BICD1: variants seen among roughly 807,000 people sequenced by gnomAD.
The protein encoded by BICD1 is protein bicaudal D homolog 1.
In BICD1, 35 loss-of-function variants were observed where a neutral mutation model predicts 92.5. The observed-to-expected ratio is 0.38, with a 90% CI of 0.29 to 0.50. BICD1 has a LOEUF of 0.50. Ranked by LOEUF, BICD1 falls within the 20% of genes least tolerant of loss-of-function variation. The pLI is 0.93. For missense variants in BICD1, 950 were observed against 1,189.8 expected (o/e 0.80, Z 2.97); for synonymous variants, 429 against 465.1 (o/e 0.92, Z 1.00).
intron 1 of BICD1, among the ~76,000 whole-genome samples, chr12:32,118,059 A>G (rs1040241742): frequency 1.9e-5 from 1 of 53,270 alleles, no homozygotes; most frequent in African/African-American, 6.0e-5. Flanking sequence ...CGCTTAGTCC[A>G]ATATTTTATT....
chr12:32,261,883 C>T (rs1039922678), intron 2 of BICD1, among the ~76,000 whole-genome samples: 4 of 152,148 alleles, frequency 2.6e-5, no homozygotes, highest in Non-Finnish European at 5.9e-5. Flanking sequence ...AAGGAAATGG[C>T]GAATGCCTTG....
In BICD1 at chr12:32,179,145, C is replaced by T. The variant is rs773173391; in HGVS notation, c.214-37102C>T. 3.6e-4 allele frequency among the ~76,000 whole-genome samples: 55 copies of T among 151,914 alleles called. 2 individuals carry two copies. The highest frequency in any genetic ancestry group is 6.5e-4 in the Non-Finnish European group (44 of 67,920). The stretch of plus-strand genomic sequence containing the variant: ...TGTAAATCAATGTGTAAGAAGATAT[C>T]GTTTAAGAGGGGTTATGGCACATGG... On this transcript the variant is annotated intron_variant, in intron 1 of 9. Coordinates refer to ENST00000652176, the MANE Select transcript of BICD1 (RefSeq NM_001714.4).
At chr12:32,160,069 A>G (rs993716330) in intron 1 of BICD1, among the ~76,000 whole-genome samples, 5 of 118,296 alleles carry the variant, frequency 4.2e-5, no homozygotes, top group Non-Finnish European at 1.0e-4. Flanking sequence ...GTGCCCTTAG[A>G]TGACGCATAT....
intron 1 of BICD1, among the ~76,000 whole-genome samples, chr12:32,154,878 G>A (rs923989628): frequency 1.1e-4 from 17 of 152,090 alleles, no homozygotes; most frequent in African/African-American, 3.6e-4. Flanking sequence ...ATGGGTTGTC[G>A]ATAAACCTCC....
intron 9 of BICD1, among the ~76,000 whole-genome samples, chr12:32,370,802 C>G (rs1939710030): frequency 6.6e-6 from 1 of 152,170 alleles, no homozygotes; most frequent in South Asian, 2.1e-4. Flanking sequence ...AGTATCTTAC[C>G]ATTCCTCAAG....
At chr12:32,353,803 T>A (rs1260590445) in intron 8 of BICD1, 1 of 152,196 alleles carries the variant, frequency 6.6e-6, no homozygotes, top group Non-Finnish European at 1.5e-5. Flanking sequence ...GTTATTGACT[T>A]TGCTTAACAA....
rs549104509 is a variant in BICD1 at position 32,253,108 on chromosome 12, C to T, written c.426+36649C>T. Among the ~76,000 whole-genome samples the T allele has an allele frequency of 5.9e-5, 9 of 152,208 alleles. No individual in the cohort carries two copies. In the South Asian group the frequency reaches 1.9e-3, roughly 32 times the overall value. ...ATGTTGCCCAGGCTGGTCTTGAACT[C>T]CTGGGCTCAAGCAGTCGGCCCGCCT... is the stretch of plus-strand genomic sequence containing the variant. On this transcript the variant is annotated intron_variant, in intron 2 of 9. Transcript: ENST00000652176.
chr12:32,113,670 A>G (rs1474459135), intron 1 of BICD1, among the ~76,000 whole-genome samples: 1 of 149,262 alleles, frequency 6.7e-6, no homozygotes, highest in Non-Finnish European at 1.5e-5. Flanking sequence ...CAGCCTCCCA[A>G]GTAACTGGGA....
intron 2 of BICD1, among the ~76,000 whole-genome samples, chr12:32,250,304 G>A (rs1326543191): frequency 6.6e-6 from 1 of 152,196 alleles, no homozygotes; most frequent in Non-Finnish European, 1.5e-5. Context: ...AAATGGAGAT[G>A]ACGATAATAC....
At chr12:32,192,020 G>T (rs1344709494) in intron 1 of BICD1, among the ~76,000 whole-genome samples, 2 of 152,174 alleles carry the variant, frequency 1.3e-5, no homozygotes, top group African/African-American at 2.4e-5. Context: ...AAATGATTAA[G>T]CTTAGTGAAG....
At chr12:32,273,433 C>T (rs972660625) in intron 2 of BICD1, among the ~76,000 whole-genome samples, 4 of 152,132 alleles carry the variant, frequency 2.6e-5, no homozygotes, top group African/African-American at 7.2e-5. Flanking sequence ...CTGCAAGCAG[C>T]GCCTTTCCTC....
intron 4 of BICD1, among the ~76,000 whole-genome samples, chr12:32,315,783 C>T (rs1948482401): frequency 6.6e-6 from 1 of 152,022 alleles, no homozygotes; most frequent in Non-Finnish European, 1.5e-5. Context: ...TTCTGTTTTT[C>T]ATTTTCAGTA....
chr12:32,114,958 AT>A (rs1941835980), intron 1 of BICD1, among the ~76,000 whole-genome samples: 2 of 152,096 alleles, frequency 1.3e-5, no homozygotes, highest in African/African-American at 4.8e-5. Context: ...TATCAATCTT[AT>A]TTAATCTTTA....
At position 32,328,269 on chromosome 12, in the gene BICD1, C is replaced by T. The variant is rs759892057; in HGVS notation, c.1814C>T (p.Thr605Ile). Residue 605 changes from threonine to isoleucine, a missense_variant, in exon 5 of 10, where the codon ACT (threonine) becomes ATT (isoleucine). Thr to Ile is a moderately conservative substitution (Grantham distance 89). Coordinates refer to ENST00000652176, the MANE Select transcript of BICD1 (RefSeq NM_001714.4). The surrounding 1 kb of genome is among the most constrained non-coding windows in gnomAD (Gnocchi z 4.4). The stretch of plus-strand genomic sequence containing the variant: ...ACCCCCACAATCTCTCCTGTTATTA[C>T]TGCCCCACCGTCATCTCCAGTATTG... ...TKTPTISPVI[T>I]APPSSPVLDT... The T allele has an allele frequency of 9.9e-6, 16 of 1,614,212 alleles. No individual in the cohort carries two copies. The South Asian group carries it at 1.8e-4, about 18-fold the overall frequency.
At chr12:32,223,953 G>T (rs759424759) in intron 2 of BICD1, among the ~76,000 whole-genome samples, 9 of 152,106 alleles carry the variant, frequency 5.9e-5, no homozygotes, top group Admixed American at 3.9e-4. Context: ...TATGGATGTG[G>T]TTCATGTCAA....
chr12:32,288,223 A>ATTTTTTTTTT lies in BICD1; in HGVS notation c.427-5756_427-5747dup, dbSNP rs34913740. 6.6e-4 allele frequency among the ~76,000 whole-genome samples: 72 copies of ATTTTTTTTTT among 109,498 alleles called. 3 individuals are homozygous for ATTTTTTTTTT. Among genetic ancestry groups the ATTTTTTTTTT allele is most frequent in the African/African-American group, 2.6e-3 (70 of 27,198 alleles). 71.8% of individuals were successfully genotyped at this position (109,498 alleles called of 152,430 possible). On this transcript the variant is annotated intron_variant, in intron 2 of 9. Transcript: ENST00000652176. ...CTTACCTGTCACCTACCAAGTCCTA[A>ATTTTTTTTTT]TTTTTTTTTTTTTTTTTTTTTTTTC...
intron 1 of BICD1, among the ~76,000 whole-genome samples, chr12:32,168,838 T>A (rs1943850922): frequency 6.6e-6 from 1 of 151,576 alleles, no homozygotes; most frequent in Non-Finnish European, 1.5e-5. Flanking sequence ...GGCGGGTACC[T>A]GTAATCCCAG....
chr12:32,130,461 G>T (rs1011589605), intron 1 of BICD1, among the ~76,000 whole-genome samples: 2 of 152,226 alleles, frequency 1.3e-5, no homozygotes, highest in African/African-American at 2.4e-5. Context: ...AAAGTGCTGG[G>T]ATTACAGGCG....
chr12:32,114,846 T>C (rs1941831176), intron 1 of BICD1, among the ~76,000 whole-genome samples: 1 of 152,202 alleles, frequency 6.6e-6, no homozygotes, highest in African/African-American at 2.4e-5. Context: ...CTGGGGACAG[T>C]AAGGTCTAAG....
Sources: allele counts gnomAD v4.1 joint callset (sites outside exome capture counted in the v4.1 genomes callset), GRCh38; gene constraint gnomAD v4.1.1; non-coding constraint Gnocchi (gnomAD v3.1); transcripts MANE v1.5; gene names NCBI Gene and HGNC (gene_info 2026-07-23, HGNC 2026-07-21).